Variants in CCDC69 observed in about 807,000 individuals in gnomAD.
CCDC69 encodes coiled-coil domain containing 69.
CCDC69 carries 38 observed loss-of-function variants against 40.3 expected under a neutral mutation model. The observed-to-expected ratio is 0.94, with a 90% CI of 0.73 to 1.24. CCDC69 has a LOEUF of 1.24. Among genes scored for constraint, CCDC69 ranks in the 50% most tolerant of loss-of-function variants. CCDC69 has a pLI of 0.00. For missense variants in CCDC69, 389 were observed against 357.9 expected (o/e 1.09, Z -0.70); for synonymous variants, 141 against 138.9 (o/e 1.02, Z -0.11).
At chr5:151,212,413 C>T (rs538788475) in intron 1 of CCDC69, among the ~76,000 whole-genome samples, 3 of 152,284 alleles carry the variant, frequency 2.0e-5, no homozygotes, top group African/African-American at 7.2e-5. Context: ...GCTTTGGGGC[C>T]TAGATCCTTG....
At chr5:151,222,663 C>G (rs1378813627) in intron 1 of CCDC69, among the ~76,000 whole-genome samples, 2 of 152,230 alleles carry the variant, frequency 1.3e-5, no homozygotes, top group Non-Finnish European at 2.9e-5. Context: ...AGTTACAAGT[C>G]TCAGCCAAGG....
chr5:151,211,578 A>G (rs1231494614), intron 1 of CCDC69, among the ~76,000 whole-genome samples: 1 of 137,102 alleles, frequency 7.3e-6, no homozygotes, highest in Non-Finnish European at 1.5e-5. Flanking sequence ...GCTGGAGTGC[A>G]GTGGCACGAT....
Position 151,224,069 on chromosome 5 carries a change from G to A in CCDC69, c.-99C>T, listed in dbSNP as rs1753179959. The A allele has an allele frequency of 9.1e-7, 1 of 1,096,294 alleles. No individual in the cohort carries two copies. The highest frequency in any genetic ancestry group is 1.3e-6 in the Non-Finnish European group (1 of 793,494). The allele number at this position is 1,096,294 out of a possible 1,614,324, so 67.9% of individuals were successfully genotyped here. ...TGCCCGCTCCGCGCCCGCCGGCTGG[G>A]GCTGCCGGCGAGACCCTGAAACTGA... On this transcript the variant is annotated 5_prime_UTR_variant, in exon 1 of 9. Transcript: ENST00000355417.
rs371225426 is a variant in CCDC69, at chr5:151,185,456, T to C, written c.581A>G (p.Glu194Gly). 1.9e-6 allele frequency: 3 copies of C among 1,613,948 alleles called. No homozygotes were observed. The highest frequency in any genetic ancestry group is 2.5e-6 in the Non-Finnish European group (3 of 1,179,936). ...CATGAGGATCAGCCGCCTGTCCAGCTCATGAATACGCTCATTCTTCATCTC... is the reference window on the plus strand; with the variant it reads ...CATGAGGATCAGCCGCCTGTCCAGCCCATGAATACGCTCATTCTTCATCTC... ...VIEMKNERIHELDRRLILMET... is the reference protein window; with the variant it reads ...VIEMKNERIHGLDRRLILMET... Residue 194 changes from glutamate (E) to glycine (G), a missense_variant, in exon 7 of 9, where the codon GAG becomes GGG. Transcript: ENST00000355417.
intron 3 of CCDC69, among the ~76,000 whole-genome samples, chr5:151,200,171 C>T (rs1189888747): frequency 6.6e-6 from 1 of 151,088 alleles, no homozygotes; most frequent in East Asian, 1.9e-4. Flanking sequence ...TGGATTCTTG[C>T]TCTGCCACCC....
intron 1 of CCDC69, among the ~76,000 whole-genome samples, chr5:151,208,973 G>A (rs1172044643): frequency 2.0e-5 from 3 of 152,216 alleles, no homozygotes; most frequent in African/African-American, 7.2e-5. Context: ...CACTACAGGC[G>A]AGGAAACTGA....
At chr5:151,191,810 C>A (rs1238013114) in intron 4 of CCDC69, among the ~76,000 whole-genome samples, 2 of 151,984 alleles carry the variant, frequency 1.3e-5, no homozygotes, top group Non-Finnish European at 2.9e-5. Context: ...AGGTATCAGG[C>A]CCAGTGACTC....
intron 1 of CCDC69, among the ~76,000 whole-genome samples, chr5:151,221,156 A>G (rs890711192): frequency 6.6e-6 from 1 of 152,122 alleles, no homozygotes; most frequent in African/African-American, 2.4e-5. Flanking sequence ...GGCCAAGCCC[A>G]ACAGGCACCA....
intron 1 of CCDC69, chr5:151,212,923 G>T (rs1160174546): frequency 2.2e-6 from 1 of 456,030 alleles, no homozygotes; most frequent in Admixed American, 2.3e-5. Flanking sequence ...GGGAATCGTG[G>T]TGGAAGTGAG....
intron 4 of CCDC69, among the ~76,000 whole-genome samples, chr5:151,189,939 C>G (rs552969136): frequency 1.3e-5 from 2 of 152,292 alleles, no homozygotes; most frequent in South Asian, 4.1e-4. Flanking sequence ...CTCTTTCCTG[C>G]TTTCTTTTGG....
At chr5:151,221,138 A>T (rs1311073194) in intron 1 of CCDC69, among the ~76,000 whole-genome samples, 7 of 152,094 alleles carry the variant, frequency 4.6e-5, no homozygotes, top group African/African-American at 1.7e-4. Context: ...GGTCTAGAAC[A>T]TCTAGTCGGC....
intron 1 of CCDC69, among the ~76,000 whole-genome samples, chr5:151,213,611 A>G (rs1171723256): frequency 6.6e-6 from 1 of 152,166 alleles, no homozygotes; most frequent in African/African-American, 2.4e-5. Context: ...AGCAACTTGG[A>G]TAGAAGCCGC....
chr5:151,183,083 G>T lies in CCDC69; in HGVS notation c.*354C>A. 1 of 485,960 alleles carries T rather than the reference G, an allele frequency of 2.1e-6. No homozygotes were observed. The highest frequency in any genetic ancestry group is 4.1e-6 in the Non-Finnish European group (1 of 246,690). 30.1% of individuals were successfully genotyped at this position (485,960 alleles called of 1,614,324 possible). A position where few individuals can be genotyped will look rare whatever the true frequency, so the allele number is the denominator to read the frequency against. On this transcript the variant is annotated 3_prime_UTR_variant, in exon 9 of 9. Transcript: ENST00000355417. Reference sequence around the variant, plus strand: ...GTCGGCAGCAGAGCTGACAAGCTGGGACCAGGGGCTGTCTCCTTTATGTCA... The same window carrying T: ...GTCGGCAGCAGAGCTGACAAGCTGGTACCAGGGGCTGTCTCCTTTATGTCA...
chr5:151,184,236 C>CT, intron 8 of CCDC69, 108 bp downstream of exon 8: 1 of 805,208 alleles, frequency 1.2e-6, no homozygotes, highest in Non-Finnish European at 2.1e-6. Flanking sequence ...TAAATAGGCC[C>CT]TGGGCCCACC....
chr5:151,221,350 C>A (rs922004429), intron 1 of CCDC69, among the ~76,000 whole-genome samples: 1 of 152,250 alleles, frequency 6.6e-6, no homozygotes, highest in Non-Finnish European at 1.5e-5. Flanking sequence ...AGTGGCTCAG[C>A]CTTTGCTTAG....
chr5:151,184,301 A>T (rs1766686409), intron 8 of CCDC69, 43 bp downstream of exon 8: 1 of 1,508,048 alleles, frequency 6.6e-7, no homozygotes, highest in African/African-American at 1.4e-5. Context: ...AATTTTGGCA[A>T]AAAGGGTGGG....
chr5:151,202,368 A>G (rs1377481306), intron 2 of CCDC69, among the ~76,000 whole-genome samples: 2 of 152,276 alleles, frequency 1.3e-5, no homozygotes, highest in African/African-American at 2.4e-5. Flanking sequence ...CTCTAAAATA[A>G]TAATAATAAT....
At chr5:151,198,291 G>GATCT (rs56093424) in intron 4 of CCDC69, among the ~76,000 whole-genome samples, 20,875 of 141,622 alleles carry the variant, frequency 0.15, 1,436 homozygotes, top group East Asian at 0.19. Context: ...GAATGAGATT[G>GATCT]ATCTATCTAT....
At chr5:151,203,788 A>C (rs1752811424) in intron 2 of CCDC69, among the ~76,000 whole-genome samples, 1 of 134,960 alleles carries the variant, frequency 7.4e-6, no homozygotes, top group African/African-American at 2.8e-5. Flanking sequence ...TAATAAATAA[A>C]ATATATATAG....
Sources: gnomAD v4.1 joint callset for allele counts (sites outside exome capture counted in the v4.1 genomes callset) on GRCh38, gnomAD v4.1.1 for gene constraint, MANE v1.5 for transcripts, NCBI Gene and HGNC (gene_info 2026-07-23, HGNC 2026-07-21) for gene names.